The following USH2A variants were observed in gnomAD, a reference collection of about 807,000 sequenced individuals.
USH2A encodes the protein Usher syndrome 2A (autosomal recessive, mild).
USH2A carries 443 observed loss-of-function variants against 538.9 expected under a neutral mutation model. The ratio of observed to expected loss-of-function variants is 0.82; its 90% confidence interval spans 0.76 to 0.89. The LOEUF (loss-of-function observed/expected upper bound fraction) is 0.89, where lower values mean the gene tolerates loss of function less well. Ranked by LOEUF, USH2A falls within the 40% of genes least tolerant of loss-of-function variation. The pLI is 0.00. For synonymous variants in USH2A, 2,413 were observed against 2,273.5 expected (o/e 1.06, Z -1.75); for missense variants, 6,633 against 6,324.8 (o/e 1.05, Z -1.65).
At chr1:216,110,322 G>C (rs964676737) in intron 21 of USH2A, among the ~76,000 whole-genome samples, 2 of 152,098 alleles carry the variant, frequency 1.3e-5, no homozygotes, top group Non-Finnish European at 1.5e-5. Flanking sequence ...GTGACATAGT[G>C]AGACCCTGTC....
chr1:215,971,100 G>T (rs1172714106), intron 35 of USH2A, among the ~76,000 whole-genome samples: 1 of 152,102 alleles, frequency 6.6e-6, no homozygotes, highest in Non-Finnish European at 1.5e-5. Flanking sequence ...CTTATAATTT[G>T]TATTGCTTTC....
intron 61 of USH2A, among the ~76,000 whole-genome samples, chr1:215,696,991 C>A (rs1312134388): frequency 6.6e-6 from 1 of 151,902 alleles, no homozygotes; most frequent in Non-Finnish European, 1.5e-5. Flanking sequence ...CTTACTTTGA[C>A]ACTCAGGCTG....
At chr1:215,871,998 C>T (rs1441880880) in intron 43 of USH2A, among the ~76,000 whole-genome samples, 3 of 152,196 alleles carry the variant, frequency 2.0e-5, no homozygotes, top group Non-Finnish European at 4.4e-5. Context: ...AATGTGTCAA[C>T]TTTATTGATG....
intron 32 of USH2A, among the ~76,000 whole-genome samples, chr1:216,017,827 T>C (rs1668753705): frequency 6.6e-6 from 1 of 152,222 alleles, no homozygotes; most frequent in Non-Finnish European, 1.5e-5. Flanking sequence ...AATGAAAACC[T>C]ATAATCAATC....
At chr1:215,778,345 C>T (rs1661523638) in intron 55 of USH2A, among the ~76,000 whole-genome samples, 1 of 152,272 alleles carries the variant, frequency 6.6e-6, no homozygotes, top group South Asian at 2.1e-4. Context: ...AGCCACCGCA[C>T]CCAGCCTCAA....
intron 18 of USH2A, among the ~76,000 whole-genome samples, chr1:216,197,535 C>G (rs1357258710): frequency 6.6e-6 from 1 of 152,060 alleles, no homozygotes; most frequent in Non-Finnish European, 1.5e-5. Context: ...AAGCACAATG[C>G]GTATTTTATT....
intron 14 of USH2A, among the ~76,000 whole-genome samples, chr1:216,218,479 A>G (rs1257588033): frequency 6.6e-6 from 1 of 152,094 alleles, no homozygotes; most frequent in Non-Finnish European, 1.5e-5. Context: ...ACAACATCAA[A>G]TGGATTCACC....
At chr1:215,632,909 T>C (rs1472629934) in intron 70 of USH2A, among the ~76,000 whole-genome samples, 2 of 152,170 alleles carry the variant, frequency 1.3e-5, no homozygotes, top group African/African-American at 4.8e-5. Flanking sequence ...CACTCGACAT[T>C]CATTCATTCA....
intron 3 of USH2A, among the ~76,000 whole-genome samples, chr1:216,414,291 TGTCA>T (rs1442746444): frequency 6.6e-6 from 1 of 152,092 alleles, no homozygotes; most frequent in Admixed American, 6.6e-5. Context: ...TTGGCAATCC[TGTCA>T]GATTCAAGTC....
chr1:216,058,727 A>G (rs2031071006), intron 30 of USH2A, among the ~76,000 whole-genome samples: 1 of 152,228 alleles, frequency 6.6e-6, no homozygotes, highest in Admixed American at 6.5e-5. Context: ...AAGACTGAGG[A>G]GACTTTAGTA....
intron 21 of USH2A, among the ~76,000 whole-genome samples, chr1:216,106,402 C>T (rs1384873461): frequency 6.6e-6 from 1 of 150,534 alleles, no homozygotes; most frequent in Non-Finnish European, 1.5e-5. Flanking sequence ...TGAAAGTTTT[C>T]ATTATGAATA....
chr1:215,786,783 C>A lies in USH2A; in HGVS notation c.10274G>T (p.Cys3425Phe), dbSNP rs200328442. ...ATTGTGAGACCCTCTTATCACAGTG[C>A]AAATGTGGCTGGTAAAGTTGAAGTC... ...RCDFNFTSHICTVIRGSHNST... is the reference protein window; with the variant it reads ...RCDFNFTSHIFTVIRGSHNST... The change falls in exon 52 of 72, where the codon TGC (cysteine) becomes TTC (phenylalanine). Residue 3425 changes from cysteine to phenylalanine, a missense_variant. Transcript: ENST00000307340. 5 of 1,613,926 alleles carry A rather than the reference C, an allele frequency of 3.1e-6. No homozygotes were observed. The East Asian group carries it at 8.9e-5, about 29-fold the overall frequency.
chr1:215,846,995 T>C (rs1265280720), intron 44 of USH2A, among the ~76,000 whole-genome samples: 1 of 152,206 alleles, frequency 6.6e-6, no homozygotes, highest in Non-Finnish European at 1.5e-5. Context: ...TTCAATGTGT[T>C]TCTATAATGT....
intron 37 of USH2A, among the ~76,000 whole-genome samples, chr1:215,946,850 C>G (rs952158092): frequency 6.6e-6 from 1 of 152,082 alleles, no homozygotes; most frequent in Non-Finnish European, 1.5e-5. Context: ...ACTTTCTCAA[C>G]TGAAAACTTA....
At chr1:215,991,675 G>A (rs75416611) in intron 35 of USH2A, among the ~76,000 whole-genome samples, 6,023 of 152,146 alleles carry the variant, frequency 0.04, 389 homozygotes, top group African/African-American at 0.14. Context: ...CAAAACATAC[G>A]CAAATACACA....
At chr1:215,910,124 A>T (rs960471012) in intron 38 of USH2A, among the ~76,000 whole-genome samples, 2 of 151,966 alleles carry the variant, frequency 1.3e-5, no homozygotes, top group Admixed American at 1.3e-4. Context: ...AATTTCTAGA[A>T]TGCTTGTTCA....
At chr1:216,013,326 C>T (rs2102494617) in intron 32 of USH2A, among the ~76,000 whole-genome samples, 1 of 151,008 alleles carries the variant, frequency 6.6e-6, no homozygotes, top group East Asian at 2.0e-4. Context: ...CCCACGCCGC[C>T]CCTAATCCCG....
intron 9 of USH2A, among the ~76,000 whole-genome samples, chr1:216,309,095 C>A (rs138559072): frequency 2.0e-5 from 3 of 152,108 alleles, no homozygotes; most frequent in Non-Finnish European, 4.4e-5. Flanking sequence ...TGTTTCTAGA[C>A]GATTGTAAAA....
chr1:216,246,785 C>T lies in USH2A; in HGVS notation c.2609G>A (p.Cys870Tyr). Residue 870 changes from cysteine to tyrosine, a missense_variant, in exon 13 of 72, where the codon TGC becomes TAC. By Grantham distance (194) the Cys-to-Tyr change is radical. Transcript: ENST00000307340. ...LCNKSTGQCP[C>Y]KLGVTGLRCN... Reference sequence around the variant, plus strand: ...GCGAAGACCTGTTACCCCTAATTTGCAAGGACATTGTCCTGTTGATTTGTT... The same window carrying T: ...GCGAAGACCTGTTACCCCTAATTTGTAAGGACATTGTCCTGTTGATTTGTT... 1.9e-6 allele frequency: 3 copies of T among 1,614,130 alleles called. No homozygotes were observed. Among genetic ancestry groups the T allele is most frequent in the Non-Finnish European group, 2.5e-6 (3 of 1,179,988 alleles).
Sources: gnomAD v4.1 joint callset for allele counts (sites outside exome capture counted in the v4.1 genomes callset) on GRCh38, gnomAD v4.1.1 for gene constraint, MANE v1.5 for transcripts, NCBI Gene and HGNC (gene_info 2026-07-23, HGNC 2026-07-21) for gene names.